KIAA0513: variants seen among roughly 807,000 people sequenced by gnomAD.
The protein encoded by KIAA0513 is uncharacterized protein KIAA0513.
A neutral mutation model predicts 56.5 loss-of-function variants in KIAA0513; 39 were observed. That is an observed-to-expected ratio of 0.69 (90% confidence interval 0.53 to 0.90). The LOEUF is 0.90. Ranked by LOEUF, KIAA0513 falls within the 40% of genes least tolerant of loss-of-function variation. KIAA0513 has a pLI of 0.00. For synonymous variants in KIAA0513, 268 were observed against 215.6 expected, an observed-to-expected ratio of 1.24 and a Z score of -2.13; for missense variants, 591 against 535.2, an observed-to-expected ratio of 1.10 and a Z score of -1.03.
chr16:85,078,873 A>G, intron 7 of KIAA0513, 52 bp from the exon 8 acceptor site: 13 of 1,601,192 alleles, frequency 8.1e-6, no homozygotes, highest in Non-Finnish European at 1.1e-5. Context: ...GGGTTTGCCA[A>G]CAGTGGGTGC....
chr16:85,044,935 A>G (rs2073151364), intron 1 of KIAA0513, among the ~76,000 whole-genome samples: 1 of 151,914 alleles, frequency 6.6e-6, no homozygotes, highest in East Asian at 2.0e-4. Context: ...TGGCTAACAC[A>G]GTGAAACCCT....
rs1324330595 is a variant in KIAA0513 at position 85,086,714 on chromosome 16, G to A, written c.1081G>A (p.Gly361Arg). 2 of 1,613,250 alleles carry A rather than the reference G, an allele frequency of 1.2e-6. No homozygotes were observed. The highest frequency in any genetic ancestry group is 8.5e-7 in the Non-Finnish European group (1 of 1,179,778). Residue 361 changes from glycine (G) to arginine (R), a missense_variant, in exon 11 of 13, where the codon GGG (glycine) becomes AGG (arginine). By Grantham distance (125) the Gly-to-Arg change is moderately radical (BLOSUM62 -2). Coordinates refer to ENST00000683363, the MANE Select transcript of KIAA0513 (RefSeq NM_001388359.1). ...CCGGTTCAACGAGAACATCACCTTCGGGCAGCTGGGGTAAGGGCCAGAGTG... is the reference window on the plus strand; with the variant it reads ...CCGGTTCAACGAGAACATCACCTTCAGGCAGCTGGGGTAAGGGCCAGAGTG... ...SLRFNENITF[G>R]QLGTFTHNML...
intron 10 of KIAA0513, 74 bp downstream of exon 10, chr16:85,082,667 G>A (rs1325593746): frequency 6.1e-6 from 9 of 1,475,698 alleles, no homozygotes; most frequent in Non-Finnish European, 8.5e-6. Context: ...GGTGGGGGCT[G>A]TGCACTGTGC....
intron 10 of KIAA0513, among the ~76,000 whole-genome samples, chr16:85,083,920 G>A (rs9925855): frequency 0.11 from 17,404 of 152,134 alleles, 1,952 homozygotes; most frequent in African/African-American, 0.29. Context: ...AGAGGCAGAC[G>A]ATTCTGCATT....
chr16:85,036,766 C>G (rs2073041834), intron 1 of KIAA0513, among the ~76,000 whole-genome samples: 1 of 152,362 alleles, frequency 6.6e-6, no homozygotes, highest in African/African-American at 2.4e-5. Context: ...CCAGCACCCC[C>G]TGCCCGGGGA....
intron 1 of KIAA0513, among the ~76,000 whole-genome samples, chr16:85,053,051 C>A (rs1021293930): frequency 6.6e-6 from 1 of 152,082 alleles, no homozygotes; most frequent in Non-Finnish European, 1.5e-5. Flanking sequence ...CCACACCCAG[C>A]GAATTTTTGT....
chr16:85,075,451 A>G (rs2073642428), intron 4 of KIAA0513, among the ~76,000 whole-genome samples: 1 of 152,162 alleles, frequency 6.6e-6, no homozygotes, highest in African/African-American at 2.4e-5. Flanking sequence ...GATGCGGGGA[A>G]GGTCATCCAG....
chr16:85,070,496 G>C (rs1041877114), intron 2 of KIAA0513, among the ~76,000 whole-genome samples: 5 of 152,148 alleles, frequency 3.3e-5, no homozygotes, highest in Admixed American at 6.5e-5. Flanking sequence ...TGGCCAACAT[G>C]ATGAAACCCC....
Position 85,082,960 on chromosome 16 carries a change from G to A in KIAA0513, c.1010+367G>A, listed in dbSNP as rs903639404. On this transcript the variant is annotated intron_variant, in intron 10 of 12. Coordinates refer to ENST00000683363, the MANE Select transcript of KIAA0513 (RefSeq NM_001388359.1). ...AGCCGTGCTCTCCACCAGCCACTCC[G>A]GCCCCTTCTGAGCAGACCTGAAAGC... Among the ~76,000 whole-genome samples, 7 of 152,256 alleles carry A rather than the reference G, an allele frequency of 4.6e-5. 1 individual carries two copies. The highest frequency in any genetic ancestry group is 1.4e-4 in the African/African-American group (6 of 41,468).
chr16:85,077,507 G>T lies in KIAA0513; in HGVS notation c.657G>T (p.Trp219Cys). The T allele has an allele frequency of 6.2e-7, 1 of 1,614,184 alleles. No individual in the cohort carries two copies. The highest frequency in any genetic ancestry group is 1.7e-5 in the Admixed American group (1 of 60,020). Residue 219 changes from tryptophan (W) to cysteine (C), a missense_variant, in exon 6 of 13, where the codon TGG becomes TGT. Transcript: ENST00000683363. ...CCTACCTGAAATCCGCAAACAGCTG[G>T]CTGGCCGAAAAGAAGGACATCGCCG... ...IDSYLKSANSWLAEKKDIAER... is the reference protein window; with the variant it reads ...IDSYLKSANSCLAEKKDIAER...
At chr16:85,049,165 A>G (rs1038525785) in intron 1 of KIAA0513, among the ~76,000 whole-genome samples, 4 of 152,236 alleles carry the variant, frequency 2.6e-5, no homozygotes, top group African/African-American at 9.6e-5. Context: ...CCAGCCAGAG[A>G]TGGCAGGTGT....
chr16:85,075,256 A>G (rs370801361), intron 4 of KIAA0513, among the ~76,000 whole-genome samples: 34 of 152,150 alleles, frequency 2.2e-4, no homozygotes, highest in South Asian at 8.3e-4. Flanking sequence ...TGACTTGTAA[A>G]GTAATAATTG....
At position 85,088,537 on chromosome 16, in the gene KIAA0513, C is replaced by T; in HGVS notation, c.*212C>T. On this transcript the variant is annotated 3_prime_UTR_variant, in exon 13 of 13. Coordinates refer to ENST00000683363, the MANE Select transcript of KIAA0513 (RefSeq NM_001388359.1). ...GACCCCCATCCATGTGCCAAAGTGT[C>T]CCTTGGGTCACACAGCTAAAGCCGA... 1.7e-6 allele frequency: 1 copy of T among 577,180 alleles called. No individual in the cohort carries two copies. Among genetic ancestry groups the T allele is most frequent in the Non-Finnish European group, 3.1e-6 (1 of 321,826 alleles). 35.8% of individuals were successfully genotyped at this position (577,180 alleles called of 1,614,324 possible).
At chr16:85,058,667 A>C (rs28558135) in intron 1 of KIAA0513, among the ~76,000 whole-genome samples, 12,654 of 151,624 alleles carry the variant, frequency 0.083, 1,735 homozygotes, top group African/African-American at 0.28. Context: ...AAAAAAAAAA[A>C]ACACACAAGA....
intron 1 of KIAA0513, among the ~76,000 whole-genome samples, chr16:85,032,347 T>C (rs2072976582): frequency 6.6e-6 from 1 of 152,258 alleles, no homozygotes; most frequent in Non-Finnish European, 1.5e-5. Flanking sequence ...TGTGACCTTC[T>C]GTTTTCTTGA....
intron 1 of KIAA0513, among the ~76,000 whole-genome samples, chr16:85,044,997 A>G (rs565976072): frequency 1.2e-4 from 19 of 152,136 alleles, no homozygotes; most frequent in Middle Eastern, 3.4e-3. Flanking sequence ...GGGCACCTGT[A>G]GTCCCAGCTA....
chr16:85,074,515 GTC>G (rs1555524150), intron 4 of KIAA0513, among the ~76,000 whole-genome samples: 1 of 152,174 alleles, frequency 6.6e-6, no homozygotes, highest in Non-Finnish European at 1.5e-5. Flanking sequence ...CCTGCTTCAT[GTC>G]TCTCCACTTT....
chr16:85,049,709 A>G (rs2073222274), intron 1 of KIAA0513, among the ~76,000 whole-genome samples: 1 of 152,190 alleles, frequency 6.6e-6, no homozygotes, highest in African/African-American at 2.4e-5. Flanking sequence ...AGCGGATGCC[A>G]GCATCATGCT....
chr16:85,091,030 T>G lies in KIAA0513; in HGVS notation c.*2705T>G, dbSNP rs2073862341. 6.6e-6 allele frequency: 1 copy of G among 152,102 alleles called. No homozygotes were observed. The highest frequency in any genetic ancestry group is 1.5e-5 in the Non-Finnish European group (1 of 68,000). 9.4% of individuals were successfully genotyped at this position (152,102 alleles called of 1,614,324 possible). The stretch of plus-strand genomic sequence containing the variant: ...CAGGGCCACCTGGGTGTAGGAGAGC[T>G]CTGGTGGCCCCTCCGTAAACTCAGG... On this transcript the variant is annotated 3_prime_UTR_variant, in exon 13 of 13. Coordinates refer to ENST00000683363, the MANE Select transcript of KIAA0513 (RefSeq NM_001388359.1).
Sources: gnomAD v4.1 joint callset for allele counts (sites outside exome capture counted in the v4.1 genomes callset) on GRCh38, gnomAD v4.1.1 for gene constraint, MANE v1.5 for transcripts, NCBI Gene and HGNC (gene_info 2026-07-23, HGNC 2026-07-21) for gene names.